The following CCSER1 variants were observed in gnomAD, a reference collection of about 807,000 sequenced individuals.
CCSER1 encodes serine-rich coiled-coil domain-containing protein 1.
A neutral mutation model predicts 82.0 loss-of-function variants in CCSER1; 41 were observed. That is an observed-to-expected ratio of 0.50 (90% CI 0.39 to 0.65). The LOEUF (loss-of-function observed/expected upper bound fraction) is 0.65. CCSER1 is among the 30% of genes least tolerant of loss of function. The pLI is 0.00. For missense variants in CCSER1, 1,119 were observed against 1,064.2 expected (o/e 1.05, Z -0.72); for synonymous variants, 414 against 383.9 (o/e 1.08, Z -0.92).
intron 9 of CCSER1, among the ~76,000 whole-genome samples, chr4:90,985,189 G>A (rs1736479850): frequency 6.6e-6 from 1 of 151,636 alleles, no homozygotes; most frequent in South Asian, 2.1e-4. Context: ...GTTTTTGTTT[G>A]TATTTTTTGT....
chr4:91,034,995 A>T (rs1195806002), intron 9 of CCSER1, among the ~76,000 whole-genome samples: 2 of 152,168 alleles, frequency 1.3e-5, no homozygotes, highest in Admixed American at 1.3e-4. Flanking sequence ...ATGTGCATGC[A>T]TTTATGTATG....
chr4:91,238,368 A>G (rs1739183747), intron 10 of CCSER1, among the ~76,000 whole-genome samples: 1 of 152,200 alleles, frequency 6.6e-6, no homozygotes, highest in Non-Finnish European at 1.5e-5. Context: ...TCGCTGCAAA[A>G]AAAAATGAAT....
At chr4:91,322,544 T>C (rs1746268525) in intron 10 of CCSER1, among the ~76,000 whole-genome samples, 1 of 152,104 alleles carries the variant, frequency 6.6e-6, no homozygotes, top group South Asian at 2.1e-4. Context: ...TTTTTCACTT[T>C]TTTCCTTTTA....
intron 3 of CCSER1, among the ~76,000 whole-genome samples, chr4:90,357,962 G>A (rs1031952260): frequency 6.6e-6 from 1 of 151,776 alleles, no homozygotes; most frequent in Non-Finnish European, 1.5e-5. Context: ...TTGTTAAAAG[G>A]CCTTATCCCC....
rs1460989618 is a variant in CCSER1, at chr4:90,238,855, A to AT, written c.-41-69376dup. On this transcript the variant is annotated intron_variant, in intron 1 of 10. Coordinates refer to ENST00000509176, the MANE Select transcript of CCSER1 (RefSeq NM_001145065.2). Reference sequence around the variant, plus strand: ...GCTTGGTGGATTTCTTCTAGCATTAATTTTTTTTTTTTTGAGACAGAGTCT... The same window carrying AT: ...GCTTGGTGGATTTCTTCTAGCATTAATTTTTTTTTTTTTTGAGACAGAGTCT... Among the ~76,000 whole-genome samples, 1,298 of 146,186 alleles carry AT rather than the reference A, an allele frequency of 8.9e-3. 9 individuals are homozygous for AT. Among genetic ancestry groups the AT allele is most frequent in the African/African-American group, 0.028 (1,109 of 40,160 alleles).
intron 5 of CCSER1, among the ~76,000 whole-genome samples, chr4:90,531,351 T>C (rs1217746378): frequency 1.3e-5 from 2 of 151,902 alleles, no homozygotes; most frequent in African/African-American, 2.4e-5. Context: ...GATTTCTTCA[T>C]TGAGTTTAAT....
chr4:90,383,295 C>T (rs909274074), intron 3 of CCSER1, among the ~76,000 whole-genome samples: 3 of 151,940 alleles, frequency 2.0e-5, no homozygotes, highest in African/African-American at 7.3e-5. Flanking sequence ...CATTTGAATA[C>T]AAAAGGAATT....
intron 10 of CCSER1, among the ~76,000 whole-genome samples, chr4:91,222,736 T>C (rs566050419): frequency 1.2e-4 from 19 of 152,316 alleles, no homozygotes; most frequent in African/African-American, 4.3e-4. Flanking sequence ...ATGGAAATAT[T>C]CATTCTGTGC....
chr4:90,871,340 G>A (rs1215717050), intron 8 of CCSER1, among the ~76,000 whole-genome samples: 2 of 151,424 alleles, frequency 1.3e-5, no homozygotes, highest in African/African-American at 2.4e-5. Context: ...TACTTCTTGC[G>A]CTGTATCCCA....
chr4:90,588,360 A>G (rs1460497536), intron 5 of CCSER1, among the ~76,000 whole-genome samples: 1 of 152,210 alleles, frequency 6.6e-6, no homozygotes, highest in Non-Finnish European at 1.5e-5. Context: ...TGTCATTTCA[A>G]CAATGTTCAC....
At chr4:90,577,443 A>C (rs1780892036) in intron 5 of CCSER1, among the ~76,000 whole-genome samples, 1 of 152,130 alleles carries the variant, frequency 6.6e-6, no homozygotes. Flanking sequence ...TTTTTGCCAC[A>C]GTAGTAGTTC....
intron 10 of CCSER1, among the ~76,000 whole-genome samples, chr4:91,121,138 T>A (rs1338671544): frequency 6.6e-6 from 1 of 151,510 alleles, no homozygotes; most frequent in Non-Finnish European, 1.5e-5. Context: ...TTTTTTCTCA[T>A]GTGGGGATTT....
chr4:90,523,876 A>G (rs974624640), intron 5 of CCSER1, among the ~76,000 whole-genome samples: 2 of 152,276 alleles, frequency 1.3e-5, no homozygotes, highest in African/African-American at 4.8e-5. Context: ...TAACCATGAA[A>G]TTAATTCTGT....
chr4:91,484,528 A>G (rs1758116721), intron 10 of CCSER1, among the ~76,000 whole-genome samples: 1 of 152,198 alleles, frequency 6.6e-6, no homozygotes, highest in African/African-American at 2.4e-5. Flanking sequence ...TTTCTATATA[A>G]TATTTATTTA....
At chr4:90,930,908 TTTTA>T (rs1554045592) in intron 9 of CCSER1, among the ~76,000 whole-genome samples, 1 of 69,108 alleles carries the variant, frequency 1.4e-5, no homozygotes, top group African/African-American at 4.1e-5. Flanking sequence ...TTTATCCTTA[TTTTA>T]TATATATATA....
intron 10 of CCSER1, among the ~76,000 whole-genome samples, chr4:91,394,054 T>C (rs944623246): frequency 8.5e-5 from 13 of 152,134 alleles, no homozygotes; most frequent in African/African-American, 3.1e-4. Context: ...TCAGAAAAAG[T>C]GTACTTCCAT....
At chr4:90,481,652 G>C (rs1057194497) in intron 5 of CCSER1, among the ~76,000 whole-genome samples, 3 of 152,198 alleles carry the variant, frequency 2.0e-5, no homozygotes, top group Non-Finnish European at 2.9e-5. Context: ...CATTGGTTCT[G>C]TTTATATGCT....
At chr4:90,935,235 T>C (rs1160032487) in intron 9 of CCSER1, among the ~76,000 whole-genome samples, 1 of 152,046 alleles carries the variant, frequency 6.6e-6, no homozygotes, top group East Asian at 1.9e-4. Flanking sequence ...GTTTGGATCA[T>C]GAGAGAGATC....
chr4:91,598,864 A>C lies in CCSER1; in HGVS notation c.2510A>C (p.Glu837Ala), dbSNP rs990925563. Residue 837 changes from glutamate (E) to alanine (A), a missense_variant, in exon 11 of 11, where the codon GAA (glutamate) becomes GCA (alanine). Glu to Ala is a moderately radical substitution (Grantham distance 107, BLOSUM62 -1). Transcript: ENST00000509176. Reference sequence around the variant, plus strand: ...TCTCTGAAGCCAACAGCTAAGACAGAAGGGCTCTCCACGTTCTTAGAGAAA... The same window carrying C: ...TCTCTGAAGCCAACAGCTAAGACAGCAGGGCTCTCCACGTTCTTAGAGAAA... ...QSSLKPTAKTEGLSTFLEKPK... is the reference protein window; with the variant it reads ...QSSLKPTAKTAGLSTFLEKPK... The C allele has an allele frequency of 5.1e-5, 79 of 1,551,548 alleles. 1 individual carries two copies. In the Admixed American group the frequency reaches 1.5e-3, roughly 30 times the overall value.
Sources: allele counts gnomAD v4.1 joint callset (sites outside exome capture counted in the v4.1 genomes callset), GRCh38; gene constraint gnomAD v4.1.1; transcripts MANE v1.5; gene names NCBI Gene and HGNC (gene_info 2026-07-23, HGNC 2026-07-21).